The following ARHGAP5 variants were observed in gnomAD, a reference collection of about 807,000 sequenced individuals.
ARHGAP5 encodes Rho GTPase activating protein 5, also known as rho GTPase-activating protein 5.
In ARHGAP5, 23 loss-of-function variants were observed where a neutral mutation model predicts 116.6. The observed-to-expected ratio is 0.20, with a 90% CI of 0.14 to 0.28. The LOEUF (loss-of-function observed/expected upper bound fraction) is 0.28. ARHGAP5 is among the 10% of genes least tolerant of loss of function. The probability of loss-of-function intolerance (pLI) is 1.00; values close to 1 mark genes in which losing one functional copy is unlikely to be tolerated. For synonymous variants in ARHGAP5, 574 were observed against 602.0 expected, an observed-to-expected ratio of 0.95 and a Z score of 0.68; for missense variants, 1,405 against 1,774.8, an observed-to-expected ratio of 0.79 and a Z score of 3.74.
In ARHGAP5 at chr14:32,116,404, C is replaced by T. The variant is rs1257000857; in HGVS notation, c.3718-736C>T. Reference sequence around the variant, plus strand: ...AGGAGATCGAGACCATCCTGGTTAACACGGTGAAACCCGTCTCTACTAAAA... The same window carrying T: ...AGGAGATCGAGACCATCCTGGTTAATACGGTGAAACCCGTCTCTACTAAAA... On this transcript the variant is annotated intron_variant, in intron 2 of 6. Coordinates refer to ENST00000345122, the MANE Select transcript of ARHGAP5 (RefSeq NM_001030055.2). 3.3e-5 allele frequency among the ~76,000 whole-genome samples: 5 copies of T among 151,012 alleles called. No individual in the cohort carries two copies. In the East Asian group the frequency reaches 7.9e-4, roughly 24 times the overall value.
chr14:32,117,980 A>C (rs1879689232), intron 3 of ARHGAP5, among the ~76,000 whole-genome samples: 1 of 152,204 alleles, frequency 6.6e-6, no homozygotes. Context: ...GACTGAATGT[A>C]CTACACATTT....
intron 2 of ARHGAP5, among the ~76,000 whole-genome samples, chr14:32,115,168 TAG>T (rs947934120): frequency 1.3e-5 from 2 of 152,214 alleles, no homozygotes; most frequent in African/African-American, 4.8e-5. Context: ...TACCCTGCTC[TAG>T]AGAGTGAATC....
At chr14:32,077,935 G>C (rs1457583367) in intron 1 of ARHGAP5, among the ~76,000 whole-genome samples, 1 of 152,112 alleles carries the variant, frequency 6.6e-6, no homozygotes. Context: ...AGGGGGGATC[G>C]GCCCTTTCAC....
chr14:32,105,189 A>G (rs1878956819), intron 2 of ARHGAP5, among the ~76,000 whole-genome samples: 1 of 152,138 alleles, frequency 6.6e-6, no homozygotes, highest in Non-Finnish European at 1.5e-5. Context: ...GTTCAATAAG[A>G]AAGGTAGGGT....
At chr14:32,106,561 T>C (rs1384251387) in intron 2 of ARHGAP5, among the ~76,000 whole-genome samples, 1 of 152,234 alleles carries the variant, frequency 6.6e-6, no homozygotes, top group Admixed American at 6.5e-5. Flanking sequence ...TTATTTATGT[T>C]GCTTTCTGGG....
chr14:32,125,235 G>T (rs954675018), intron 3 of ARHGAP5, among the ~76,000 whole-genome samples: 1 of 152,054 alleles, frequency 6.6e-6, no homozygotes, highest in Non-Finnish European at 1.5e-5. Context: ...TACTAATTCT[G>T]GATATTTCAT....
At chr14:32,153,976 A>G (rs1023431264) in intron 6 of ARHGAP5, 2 of 152,144 alleles carry the variant, frequency 1.3e-5, no homozygotes. Flanking sequence ...TTAGCCTGAT[A>G]TTAGTGTCAA....
chr14:32,102,990 T>A (rs1237867160), intron 2 of ARHGAP5, among the ~76,000 whole-genome samples: 2 of 152,228 alleles, frequency 1.3e-5, no homozygotes, highest in Non-Finnish European at 2.9e-5. Flanking sequence ...TCAACAAGTT[T>A]AGCCAGACTT....
rs574678707 is a variant in ARHGAP5 at position 32,128,353 on chromosome 14, G to A, written c.3865+11066G>A. The stretch of plus-strand genomic sequence containing the variant: ...GCGGCTGGGAGGTGGAGGTTGTAGC[G>A]AGCCAAGATCATGCCACTGCACTCC... On this transcript the variant is annotated intron_variant, in intron 3 of 6. Coordinates refer to ENST00000345122, the MANE Select transcript of ARHGAP5 (RefSeq NM_001030055.2). Among the ~76,000 whole-genome samples, 25 of 152,362 alleles carry A rather than the reference G, an allele frequency of 1.6e-4. 1 individual carries two copies. In the South Asian group the frequency reaches 4.3e-3, roughly 27 times the overall value.
At chr14:32,132,232 C>A (rs1201687649) in intron 3 of ARHGAP5, among the ~76,000 whole-genome samples, 3 of 152,196 alleles carry the variant, frequency 2.0e-5, no homozygotes, top group Non-Finnish European at 2.9e-5. Flanking sequence ...TTCTCCACAT[C>A]CTCTCCAGCA....
chr14:32,155,031 A>G lies in ARHGAP5; in HGVS notation c.*83A>G, dbSNP rs568657838. The G allele has an allele frequency of 4.4e-5, 52 of 1,171,648 alleles. No individual in the cohort carries two copies. The African/African-American group carries it at 7.7e-4, about 17-fold the overall frequency. 72.6% of individuals were successfully genotyped at this position (1,171,648 alleles called of 1,614,324 possible). A position where few individuals can be genotyped will look rare whatever the true frequency, so the allele number is the denominator to read the frequency against. ...GTTTCAGGGTTCAGTAGTATACTTC[A>G]TGTTTCATACAGATAATTCACATTC... On this transcript the variant is annotated 3_prime_UTR_variant, in exon 7 of 7. Transcript: ENST00000345122.
At position 32,147,303 on chromosome 14, in the gene ARHGAP5, A is replaced by T. The variant is rs183664712; in HGVS notation, c.3943+963A>T. Among the ~76,000 whole-genome samples the T allele has an allele frequency of 9.5e-4, 144 of 152,324 alleles. 2 individuals carry two copies. In the East Asian group the frequency reaches 0.021, roughly 22 times the overall value. ...ATGTACATGCTAAAATTTTACAAAAATGTAAAAATTCTGTATGACATGTGG... is the reference window on the plus strand; with the variant it reads ...ATGTACATGCTAAAATTTTACAAAATTGTAAAAATTCTGTATGACATGTGG... On this transcript the variant is annotated intron_variant, in intron 4 of 6. Transcript: ENST00000345122.
chr14:32,129,778 G>A (rs190374890), intron 3 of ARHGAP5, among the ~76,000 whole-genome samples: 51 of 151,720 alleles, frequency 3.4e-4, no homozygotes, highest in African/African-American at 1.1e-3. Context: ...ATACTTCCTC[G>A]AAATTTCCAC....
At chr14:32,114,336 C>T (rs1879451840) in intron 2 of ARHGAP5, among the ~76,000 whole-genome samples, 6 of 152,112 alleles carry the variant, frequency 3.9e-5, no homozygotes, top group Admixed American at 3.9e-4. Flanking sequence ...GATAATATAG[C>T]TAATAGTTGG....
chr14:32,101,397 AT>A (rs1878782958), intron 2 of ARHGAP5, among the ~76,000 whole-genome samples: 1 of 152,310 alleles, frequency 6.6e-6, no homozygotes, highest in South Asian at 2.1e-4. Flanking sequence ...AATATAGTAA[AT>A]CTTAGGTTTA....
chr14:32,106,408 T>C (rs1336176292), intron 2 of ARHGAP5, among the ~76,000 whole-genome samples: 1 of 152,218 alleles, frequency 6.6e-6, no homozygotes. Context: ...CATGAGCCGC[T>C]GCACTCGGCC....
chr14:32,078,738 T>C (rs1291970486), intron 1 of ARHGAP5, among the ~76,000 whole-genome samples: 1 of 152,204 alleles, frequency 6.6e-6, no homozygotes. Flanking sequence ...ACATTTCCAC[T>C]TAAAATGGTT....
chr14:32,121,149 C>G (rs998093558), intron 3 of ARHGAP5, among the ~76,000 whole-genome samples: 8 of 151,472 alleles, frequency 5.3e-5, no homozygotes, highest in Admixed American at 5.3e-4. Flanking sequence ...TCCCAAATAG[C>G]TGGGACTGCC....
At chr14:32,130,186 T>C (rs186723970) in intron 3 of ARHGAP5, among the ~76,000 whole-genome samples, 1 of 151,682 alleles carries the variant, frequency 6.6e-6, no homozygotes, top group Admixed American at 6.6e-5. Flanking sequence ...ATTTGTTTGT[T>C]GAATCCCTTG....
Sources: allele counts gnomAD v4.1 joint callset (sites outside exome capture counted in the v4.1 genomes callset), GRCh38; gene constraint gnomAD v4.1.1; transcripts MANE v1.5; gene names NCBI Gene and HGNC (gene_info 2026-07-23, HGNC 2026-07-21).